PHACTR3: variants seen among roughly 807,000 people sequenced by gnomAD.
PHACTR3 encodes the protein protein phosphatase 1, regulatory subunit 123.
A neutral mutation model predicts 66.8 loss-of-function variants in PHACTR3; 16 were observed. That is an observed-to-expected ratio of 0.24 (90% confidence interval 0.16 to 0.36). The LOEUF is 0.36. PHACTR3 is among the 10% of genes least tolerant of loss of function. PHACTR3 has a pLI of 1.00. For missense variants in PHACTR3, 647 were observed against 719.9 expected, an observed-to-expected ratio of 0.90 and a Z score of 1.16; for synonymous variants, 323 against 292.1, an observed-to-expected ratio of 1.11 and a Z score of -1.08.
At chr20:59,734,449 G>A (rs1283368625) in intron 1 of PHACTR3, among the ~76,000 whole-genome samples, 2 of 151,988 alleles carry the variant, frequency 1.3e-5, no homozygotes, top group Non-Finnish European at 2.9e-5. Context: ...GTAGAGACAG[G>A]GTCTCACTAC....
chr20:59,580,831 C>T (rs1357097818), intron 1 of PHACTR3, among the ~76,000 whole-genome samples: 1 of 152,224 alleles, frequency 6.6e-6, no homozygotes, highest in Non-Finnish European at 1.5e-5. Flanking sequence ...ACTTAGCAGG[C>T]TTTTCTGGTA....
Position 59,845,777 on chromosome 20 carries a change from T to C in PHACTR3, c.1664+512T>C, listed in dbSNP as rs538197459. 1.4e-3 allele frequency among the ~76,000 whole-genome samples: 217 copies of C among 152,286 alleles called. 2 individuals are homozygous for C. The highest frequency in any genetic ancestry group is 8.3e-3 in the South Asian group (40 of 4,822). ...GCTGAGAATGCAATAGTGAATATGA[T>C]AAAGGAGGCTCCCATCTTCATGGAG... On this transcript the variant is annotated intron_variant, in intron 12 of 12. Coordinates refer to ENST00000371015, the MANE Select transcript of PHACTR3 (RefSeq NM_080672.5).
In PHACTR3 at chr20:59,738,791, T is replaced by C. The variant is rs1387034466; in HGVS notation, c.119-4316T>C. ...GATCCTTTGTGAAGGAGGTGAGATA[T>C]AAATAAAGCAATGATTATGCTCCAT... is the stretch of plus-strand genomic sequence containing the variant. On this transcript the variant is annotated intron_variant, in intron 1 of 12. Coordinates refer to ENST00000371015, the MANE Select transcript of PHACTR3 (RefSeq NM_080672.5). The surrounding 1 kb of genome is among the most constrained non-coding windows in gnomAD (Gnocchi z 4.4). 6.6e-6 allele frequency among the ~76,000 whole-genome samples: 1 copy of C among 152,080 alleles called. No homozygotes were observed. Among genetic ancestry groups the C allele is most frequent in the Non-Finnish European group, 1.5e-5 (1 of 68,012 alleles).
Position 59,759,268 on chromosome 20 carries a change from A to G in PHACTR3, c.541+3904A>G, listed in dbSNP as rs115763883. On this transcript the variant is annotated intron_variant, in intron 4 of 12. Coordinates refer to ENST00000371015, the MANE Select transcript of PHACTR3 (RefSeq NM_080672.5). Reference sequence around the variant, plus strand: ...CGGTCACCTCCACAACACCAGGTCAATGTTCAGAAGCTTGGCCATGAGCAA... The same window carrying G: ...CGGTCACCTCCACAACACCAGGTCAGTGTTCAGAAGCTTGGCCATGAGCAA... 9.2e-3 allele frequency among the ~76,000 whole-genome samples: 1,403 copies of G among 152,304 alleles called. 16 individuals carry two copies. The highest frequency in any genetic ancestry group is 0.03 in the African/African-American group (1,240 of 41,562).
At chr20:59,714,720 C>A (rs1474661090) in intron 1 of PHACTR3, among the ~76,000 whole-genome samples, 1 of 152,150 alleles carries the variant, frequency 6.6e-6, no homozygotes, top group African/African-American at 2.4e-5. Context: ...ACACATAAAC[C>A]TTTTGTAAGT....
chr20:59,583,626 C>G (rs2032925961), intron 1 of PHACTR3, among the ~76,000 whole-genome samples: 1 of 152,260 alleles, frequency 6.6e-6, no homozygotes, highest in Non-Finnish European at 1.5e-5. Flanking sequence ...TCCCGGAACC[C>G]TCCTCTGATT....
At chr20:59,579,524 T>A (rs2032803785) in intron 1 of PHACTR3, among the ~76,000 whole-genome samples, 1 of 152,178 alleles carries the variant, frequency 6.6e-6, no homozygotes, top group Non-Finnish European at 1.5e-5. Context: ...GCTAGGGGAC[T>A]GGAGGGAGCT....
In PHACTR3 at chr20:59,697,676, A is replaced by G. The variant is rs142314017; in HGVS notation, c.119-45431A>G. On this transcript the variant is annotated intron_variant, in intron 1 of 12. Coordinates refer to ENST00000371015, the MANE Select transcript of PHACTR3 (RefSeq NM_080672.5). ...ACAAGCTAAGAAAGGAGCAGAGATT[A>G]GAAGGAGAAAAGAGGAAAAAAGAAC... Among the ~76,000 whole-genome samples, 197 of 152,356 alleles carry G rather than the reference A, an allele frequency of 1.3e-3. 2 individuals carry two copies. Among genetic ancestry groups the G allele is most frequent in the African/African-American group, 4.5e-3 (189 of 41,586 alleles).
intron 8 of PHACTR3, among the ~76,000 whole-genome samples, chr20:59,828,935 G>A (rs2042268659): frequency 6.6e-6 from 1 of 152,010 alleles, no homozygotes; most frequent in African/African-American, 2.4e-5. Context: ...CTTGGGGATG[G>A]AGAGAGGCAG....
intron 8 of PHACTR3, among the ~76,000 whole-genome samples, chr20:59,814,076 T>C (rs1021403370): frequency 4.6e-5 from 7 of 152,098 alleles, no homozygotes; most frequent in African/African-American, 1.7e-4. Flanking sequence ...CTGGCTAAGC[T>C]GGTGGGAAAT....
intron 1 of PHACTR3, among the ~76,000 whole-genome samples, chr20:59,649,576 A>G (rs956848743): frequency 6.6e-6 from 1 of 152,208 alleles, no homozygotes; most frequent in African/African-American, 2.4e-5. Context: ...GCTTCTCCAT[A>G]CCTCAGACTA....
At chr20:59,620,059 C>A (rs2034178392) in intron 1 of PHACTR3, among the ~76,000 whole-genome samples, 1 of 152,184 alleles carries the variant, frequency 6.6e-6, no homozygotes, top group African/African-American at 2.4e-5. Context: ...CCTGGCTTCT[C>A]ACACTCACCC....
intron 6 of PHACTR3, 119 bp from the exon 7 acceptor site, chr20:59,774,124 A>T (rs767791604): frequency 1.5e-4 from 201 of 1,325,384 alleles, no homozygotes; most frequent in Non-Finnish European, 2.0e-4. Context: ...ATAAAAACCA[A>T]GAGGTCACAT....
chr20:59,736,796 A>G lies in PHACTR3; in HGVS notation c.119-6311A>G, dbSNP rs544876238. Reference sequence around the variant, plus strand: ...AGTTTCTCTTCTTGGGCGGAGAGTCATAGCTCTCACAAGCCCTCCCCTGGC... The same window carrying G: ...AGTTTCTCTTCTTGGGCGGAGAGTCGTAGCTCTCACAAGCCCTCCCCTGGC... On this transcript the variant is annotated intron_variant, in intron 1 of 12. Transcript: ENST00000371015. This position sits in a 1 kb window ranked among gnomAD's most constrained non-coding sequence, Gnocchi z 4.6. 6.6e-6 allele frequency among the ~76,000 whole-genome samples: 1 copy of G among 152,260 alleles called. No homozygotes were observed. Among genetic ancestry groups the G allele is most frequent in the African/African-American group, 2.4e-5 (1 of 41,576 alleles).
Position 59,586,039 on chromosome 20 carries a change from C to T in PHACTR3, c.109+8422C>T, listed in dbSNP as rs201240013. Among the ~76,000 whole-genome samples the T allele has an allele frequency of 2.6e-5, 4 of 152,170 alleles. No homozygotes were observed. In the East Asian group the frequency reaches 7.7e-4, roughly 29 times the overall value. ...CTGGAGATGGGAATGCGCAGGCCTG[C>T]CCGGACATCTTCTCCAATACCCACC... On this transcript the variant is annotated intron_variant, in intron 1 of 12. Transcript: ENST00000359926.
chr20:59,730,671 G>A (rs1288986455), intron 1 of PHACTR3, among the ~76,000 whole-genome samples: 1 of 152,188 alleles, frequency 6.6e-6, no homozygotes, highest in Non-Finnish European at 1.5e-5. Context: ...GGGGCACCCA[G>A]TAGTATTTTT....
chr20:59,844,065 G>A (rs1329400838), intron 11 of PHACTR3: 4 of 151,914 alleles, frequency 2.6e-5, no homozygotes, highest in African/African-American at 9.7e-5. Context: ...CAGGTATATG[G>A]AAAAAATGCT....
chr20:59,674,783 TTTCCCCCCTTCTCCTC>T (rs2036374333), intron 1 of PHACTR3, among the ~76,000 whole-genome samples: 1 of 39,240 alleles, frequency 2.5e-5, no homozygotes, highest in Non-Finnish European at 4.0e-5. Flanking sequence ...CCTCCTTCTG[TTTCCCCCCTTCTCCTC>T]TTCCCACCTT....
intron 1 of PHACTR3, among the ~76,000 whole-genome samples, chr20:59,640,473 G>A (rs1014571110): frequency 3.9e-5 from 6 of 152,140 alleles, no homozygotes; most frequent in African/African-American, 7.2e-5. Context: ...ATAGTAGCTC[G>A]ACTCAGCTTT....
Sources: gnomAD v4.1 joint callset for allele counts (sites outside exome capture counted in the v4.1 genomes callset) on GRCh38, gnomAD v4.1.1 for gene constraint, Gnocchi (gnomAD v3.1) non-coding constraint, MANE v1.5 for transcripts, NCBI Gene and HGNC (gene_info 2026-07-23, HGNC 2026-07-21) for gene names.